POT1: variants seen among roughly 807,000 people sequenced by gnomAD.
POT1 encodes protection of telomeres protein 1.
In POT1, 47 loss-of-function variants were observed where a neutral mutation model predicts 78.5. That is an observed-to-expected ratio of 0.60 (90% confidence interval 0.47 to 0.76). The LOEUF (loss-of-function observed/expected upper bound fraction) is 0.76, where lower values mean the gene tolerates loss of function less well. POT1 is among the 30% of genes least tolerant of loss of function. POT1 has a pLI of 0.00. For synonymous variants in POT1, 259 were observed against 260.7 expected, an observed-to-expected ratio of 0.99 and a Z score of 0.06; for missense variants, 646 against 749.9, an observed-to-expected ratio of 0.86 and a Z score of 1.62.
chr7:124,884,065 T>C (rs1563004211), intron 6 of POT1, among the ~76,000 whole-genome samples: 1 of 152,022 alleles, frequency 6.6e-6, no homozygotes, highest in Non-Finnish European at 1.5e-5. Flanking sequence ...GCAAAATATA[T>C]ATTCATTTAA....
intron 6 of POT1, among the ~76,000 whole-genome samples, chr7:124,871,502 A>T (rs1795867009): frequency 6.6e-6 from 1 of 152,122 alleles, no homozygotes; most frequent in Non-Finnish European, 1.5e-5. Context: ...ATGATACAGT[A>T]AATATGTCGT....
At chr7:124,886,754 T>G (rs1180688120) in intron 6 of POT1, among the ~76,000 whole-genome samples, 2 of 152,108 alleles carry the variant, frequency 1.3e-5, no homozygotes, top group African/African-American at 4.8e-5. Context: ...ATAATACATA[T>G]TCTTGTTCCC....
intron 6 of POT1, among the ~76,000 whole-genome samples, chr7:124,886,818 A>AT (rs1169416007): frequency 3.9e-5 from 6 of 152,056 alleles, no homozygotes; most frequent in African/African-American, 1.2e-4. Context: ...AGAAAACATG[A>AT]TTTTTCTAAT....
At chr7:124,842,548 C>A (rs991401841) in intron 13 of POT1, among the ~76,000 whole-genome samples, 2 of 151,884 alleles carry the variant, frequency 1.3e-5, no homozygotes, top group Non-Finnish European at 2.9e-5. Context: ...CAAATATATT[C>A]ATCATTTATT....
intron 3 of POT1, among the ~76,000 whole-genome samples, chr7:124,903,087 C>A (rs973139389): frequency 6.6e-6 from 1 of 152,144 alleles, no homozygotes; most frequent in Admixed American, 6.5e-5. Context: ...GAGACTTTAA[C>A]ACCCCACTGT....
chr7:124,894,333 G>T (rs1796441683), intron 5 of POT1, among the ~76,000 whole-genome samples: 1 of 151,310 alleles, frequency 6.6e-6, no homozygotes, highest in South Asian at 2.1e-4. Context: ...TGAACAGTAG[G>T]GAGAAAACAT....
At chr7:124,918,367 CTGTT>C (rs1418423112) in intron 2 of POT1, among the ~76,000 whole-genome samples, 2 of 152,176 alleles carry the variant, frequency 1.3e-5, no homozygotes, top group South Asian at 2.1e-4. Flanking sequence ...CAATTATAAA[CTGTT>C]TGTTTTCAGG....
At chr7:124,902,334 G>T (rs1276055297) in intron 3 of POT1, among the ~76,000 whole-genome samples, 1 of 152,180 alleles carries the variant, frequency 6.6e-6, no homozygotes, top group Non-Finnish European at 1.5e-5. Context: ...TCTCTCAGGA[G>T]AAACTCTACA....
intron 3 of POT1, among the ~76,000 whole-genome samples, chr7:124,908,132 A>G (rs1450415134): frequency 2.0e-5 from 3 of 152,080 alleles, no homozygotes; most frequent in Non-Finnish European, 2.9e-5. Flanking sequence ...TTTGACTTTA[A>G]CAAGCATTAA....
intron 2 of POT1, among the ~76,000 whole-genome samples, chr7:124,923,489 G>A (rs533912730): frequency 1.9e-3 from 286 of 151,844 alleles, no homozygotes; most frequent in Middle Eastern, 3.4e-3. Flanking sequence ...ATAGGAAAAA[G>A]CATAAAAAGG....
intron 16 of POT1, among the ~76,000 whole-genome samples, chr7:124,827,722 A>G (rs891557045): frequency 1.3e-5 from 2 of 152,184 alleles, no homozygotes; most frequent in African/African-American, 2.4e-5. Context: ...AATCTTTTTG[A>G]TTAAATATTA....
At chr7:124,874,878 A>T (rs900201569) in intron 6 of POT1, among the ~76,000 whole-genome samples, 1 of 151,874 alleles carries the variant, frequency 6.6e-6, no homozygotes. Flanking sequence ...GGAAAGGGAG[A>T]CAAGAAAGAA....
chr7:124,921,683 C>T (rs1797154161), intron 2 of POT1, among the ~76,000 whole-genome samples: 1 of 151,724 alleles, frequency 6.6e-6, no homozygotes, highest in South Asian at 2.1e-4. Context: ...TCAGTGAACT[C>T]AAAGAGAGAG....
intron 13 of POT1, among the ~76,000 whole-genome samples, chr7:124,842,428 C>T (rs1795050168): frequency 2.0e-5 from 3 of 151,858 alleles, no homozygotes; most frequent in South Asian, 4.1e-4. Context: ...ACCAACAAGG[C>T]TCTCTTTATC....
intron 10 of POT1, 119 bp downstream of exon 10, chr7:124,852,853 A>C: frequency 2.3e-6 from 2 of 874,722 alleles, no homozygotes; most frequent in Non-Finnish European, 3.4e-6. Context: ...TCATCTATTT[A>C]AAAACATGGC....
At chr7:124,923,466 C>T (rs1267066844) in intron 2 of POT1, among the ~76,000 whole-genome samples, 3 of 151,376 alleles carry the variant, frequency 2.0e-5, no homozygotes, top group South Asian at 2.1e-4. Context: ...TGAAATAATG[C>T]GGTCAGGCAA....
chr7:124,825,224 G>T, intron 18 of POT1, 28 bp downstream of exon 18: 1 of 1,435,182 alleles, frequency 7.0e-7, no homozygotes, highest in Non-Finnish European at 9.8e-7. Flanking sequence ...TAAAAGAAGT[G>T]TGGGATTGTT....
At chr7:124,864,616 T>C (rs886158085) in intron 7 of POT1, among the ~76,000 whole-genome samples, 2 of 152,160 alleles carry the variant, frequency 1.3e-5, no homozygotes, top group Admixed American at 6.6e-5. Flanking sequence ...CTTCTTAATG[T>C]CCACTTGGAA....
At chr7:124,858,012 C>T (rs1002745392) in intron 9 of POT1, among the ~76,000 whole-genome samples, 1 of 152,286 alleles carries the variant, frequency 6.6e-6, no homozygotes, top group African/African-American at 2.4e-5. Context: ...GGCTCCTGCA[C>T]CTGCTCACCT....
Sources: gnomAD v4.1 joint callset for allele counts (sites outside exome capture counted in the v4.1 genomes callset) on GRCh38, gnomAD v4.1.1 for gene constraint, MANE v1.5 for transcripts, NCBI Gene and HGNC (gene_info 2026-07-23, HGNC 2026-07-21) for gene names.